SLC13A3: variants seen among roughly 807,000 people sequenced by gnomAD.
The protein encoded by SLC13A3 is solute carrier family 13 member 3.
A neutral mutation model predicts 59.0 loss-of-function variants in SLC13A3; 40 were observed. That is an observed-to-expected ratio of 0.68 (90% CI 0.53 to 0.88). The LOEUF is 0.88. SLC13A3 is among the 40% of genes least tolerant of loss of function. SLC13A3 has a pLI of 0.00. For synonymous variants in SLC13A3, 317 were observed against 330.3 expected, an observed-to-expected ratio of 0.96 and a Z score of 0.44; for missense variants, 699 against 783.2, an observed-to-expected ratio of 0.89 and a Z score of 1.28.
At chr20:46,615,648 G>C (rs1444527092) in intron 1 of SLC13A3, among the ~76,000 whole-genome samples, 1 of 152,208 alleles carries the variant, frequency 6.6e-6, no homozygotes, top group Admixed American at 6.5e-5. Flanking sequence ...GTTGGTCTCA[G>C]GGAAGGTGGG....
At chr20:46,641,438 A>G (rs1013721364) in intron 1 of SLC13A3, among the ~76,000 whole-genome samples, 4 of 152,200 alleles carry the variant, frequency 2.6e-5, no homozygotes, top group Non-Finnish European at 4.4e-5. Flanking sequence ...ATCAGGATGA[A>G]TGCCATGAAG....
chr20:46,619,265 T>G (rs984874700), intron 1 of SLC13A3, among the ~76,000 whole-genome samples: 1 of 152,218 alleles, frequency 6.6e-6, no homozygotes, highest in South Asian at 2.1e-4. Flanking sequence ...AAAAGGCTCA[T>G]GTCCTCCAGC....
At chr20:46,665,027 T>C (rs2063054104) in intron 1 of SLC13A3, among the ~76,000 whole-genome samples, 1 of 150,086 alleles carries the variant, frequency 6.7e-6, no homozygotes, top group African/African-American at 2.5e-5. Flanking sequence ...CAGAGTGGCA[T>C]ATTCTGCTTT....
At chr20:46,600,063 T>C (rs770844472) in intron 3 of SLC13A3, 26 bp from the exon 4 acceptor site, 2 of 1,538,052 alleles carry the variant, frequency 1.3e-6, no homozygotes, top group Non-Finnish European at 8.9e-7. Context: ...ATGATGTCTT[T>C]AATGTAATGT....
At chr20:46,653,740 C>T (rs1373450484), upstream of SLC13A3, among the ~76,000 whole-genome samples, 2 of 152,138 alleles carry the variant, frequency 1.3e-5, no homozygotes, top group Admixed American at 6.5e-5. Flanking sequence ...AGCTTTGTGT[C>T]CTTAAGGCTC....
chr20:46,664,476 CT>C (rs748009901), intron 1 of SLC13A3, among the ~76,000 whole-genome samples: 2 of 152,182 alleles, frequency 1.3e-5, no homozygotes, highest in Non-Finnish European at 2.9e-5. Flanking sequence ...TCAGACATAC[CT>C]TTCACCATGT....
intron 1 of SLC13A3, among the ~76,000 whole-genome samples, chr20:46,641,441 C>T (rs375558419): frequency 8.9e-4 from 136 of 152,198 alleles, no homozygotes; most frequent in Admixed American, 2.7e-3. Flanking sequence ...AGGATGAATG[C>T]CATGAAGGAA....
intron 9 of SLC13A3, among the ~76,000 whole-genome samples, chr20:46,580,026 C>T (rs577180419): frequency 2.0e-5 from 3 of 152,050 alleles, no homozygotes; most frequent in Admixed American, 1.3e-4. Context: ...AGTGCAGTGG[C>T]GTGATCTCGG....
intron 11 of SLC13A3, among the ~76,000 whole-genome samples, chr20:46,564,872 A>G (rs2061965978): frequency 6.6e-6 from 1 of 152,260 alleles, no homozygotes; most frequent in African/African-American, 2.4e-5. Flanking sequence ...CTGTCCATTT[A>G]TAATGGAATA....
chr20:46,594,644 C>T (rs2062291768), intron 5 of SLC13A3, among the ~76,000 whole-genome samples: 1 of 152,122 alleles, frequency 6.6e-6, no homozygotes, highest in African/African-American at 2.4e-5. Context: ...CACAGCCAGC[C>T]TTGTTTAAAG....
chr20:46,624,928 G>T (rs376605545), intron 1 of SLC13A3, among the ~76,000 whole-genome samples: 1 of 152,104 alleles, frequency 6.6e-6, no homozygotes. Flanking sequence ...AGGGGGAGCA[G>T]CCAGGGGAAA....
At chr20:46,649,114 G>A (rs2122880859) in intron 1 of SLC13A3, among the ~76,000 whole-genome samples, 1 of 152,194 alleles carries the variant, frequency 6.6e-6, no homozygotes, top group Non-Finnish European at 1.5e-5. Context: ...GGCATTACAT[G>A]GGACAAGCCT....
chr20:46,659,454 T>C (rs2063013702), intron 1 of SLC13A3, among the ~76,000 whole-genome samples: 1 of 152,172 alleles, frequency 6.6e-6, no homozygotes, highest in South Asian at 2.1e-4. Context: ...TGGTTGCTCA[T>C]GCTTGTAATC....
chr20:46,645,300 G>T (rs2062883342), intron 1 of SLC13A3, among the ~76,000 whole-genome samples: 1 of 152,184 alleles, frequency 6.6e-6, no homozygotes, highest in Non-Finnish European at 1.5e-5. Context: ...ATCACACCTG[G>T]AAAGTCCCTT....
At chr20:46,586,197 A>T (rs1255295514) in intron 8 of SLC13A3, among the ~76,000 whole-genome samples, 2 of 152,232 alleles carry the variant, frequency 1.3e-5, no homozygotes, top group African/African-American at 4.8e-5. Context: ...GGATGGGGCT[A>T]ACTGAAATAA....
chr20:46,563,614 G>GA (rs59207395), intron 11 of SLC13A3, 63 bp from the exon 12 acceptor site: 1,048,773 of 1,509,920 alleles, frequency 0.69, 376,602 homozygotes, highest in East Asian at 0.89. Context: ...CACAGCAAGA[G>GA]GGAGAGAGAG....
At chr20:46,653,576 TAC>T (rs1265986518), upstream of SLC13A3, among the ~76,000 whole-genome samples, 33 of 152,240 alleles carry the variant, frequency 2.2e-4, no homozygotes, top group Admixed American at 2.2e-3. Context: ...TCAGAAGTTT[TAC>T]AGTTTTGAAA....
chr20:46,592,878 T>C (rs62214369), intron 5 of SLC13A3, among the ~76,000 whole-genome samples: 42,308 of 152,166 alleles, frequency 0.28, 7,320 homozygotes, highest in South Asian at 0.46. Context: ...TGCTTCCCCA[T>C]GGTTGCCATG....
chr20:46,679,762 G>T (rs1232535750), intron 1 of SLC13A3, among the ~76,000 whole-genome samples: 1 of 152,182 alleles, frequency 6.6e-6, no homozygotes, highest in Non-Finnish European at 1.5e-5. Flanking sequence ...TCAAAAATTA[G>T]CTGGGCGTGG....
Sources: allele counts gnomAD v4.1 joint callset (sites outside exome capture counted in the v4.1 genomes callset), GRCh38; gene constraint gnomAD v4.1.1; transcripts MANE v1.5; gene names NCBI Gene and HGNC (gene_info 2026-07-23, HGNC 2026-07-21).